The following NBPF20 variants were observed in gnomAD, a reference collection of about 807,000 sequenced individuals.
NBPF20 encodes the protein NBPF member 20, also known as NBPF family member NBPF20.
Under a neutral mutation model 68.1 loss-of-function variants are expected in NBPF20, and 90 were observed. The observed-to-expected ratio is 1.32, with a 90% CI of 1.11 to 1.58. NBPF20 has a LOEUF of 1.58. NBPF20 is among the 40% of genes most tolerant of loss of function. The pLI is 0.00. For missense variants in NBPF20, 816 were observed against 601.2 expected (o/e 1.36, Z -3.74); for synonymous variants, 290 against 228.1 (o/e 1.27, Z -2.45).
chr1:145,421,456 C>G, the NBPF20 span, among the ~76,000 whole-genome samples: 87 of 151,806 alleles, frequency 5.7e-4, no homozygotes, highest in Admixed American at 5.5e-3. Context: ...TTATTTGTTA[C>G]ATGGTGAAAA....
chr1:145,392,959 G>A, intron 10 of NBPF20, 115 bp downstream of exon 15: 3 of 347,630 alleles, frequency 8.6e-6, no homozygotes, highest in South Asian at 2.2e-5. Flanking sequence ...TGTGCCTATA[G>A]GACCTCCCTG....
At chr1:145,412,094 C>A in the NBPF20 span, among the ~76,000 whole-genome samples, 135 of 144,774 alleles carry the variant, frequency 9.3e-4, no homozygotes, top group African/African-American at 3.3e-3. Context: ...AAAAGAAATT[C>A]TTCACCACAA....
upstream of NBPF20, among the ~76,000 whole-genome samples, chr1:145,410,514 C>A (rs1662964766): frequency 6.6e-6 from 1 of 150,506 alleles, no homozygotes; most frequent in African/African-American, 2.4e-5. Flanking sequence ...GGGGTTTCAC[C>A]GTTTTAGCCG....
In NBPF20 at chr1:145,351,974, C is replaced by A; in HGVS notation, c.7465G>T (p.Gly2489Ter). 5.0e-5 allele frequency: 3 copies of A among 59,922 alleles called. No homozygotes were observed. The highest frequency in any genetic ancestry group is 3.1e-4 in the East Asian group (1 of 3,214). 3.7% of individuals were successfully genotyped at this position (59,922 alleles called of 1,614,324 possible). A position where few individuals can be genotyped will look rare whatever the true frequency, so the allele number is the denominator to read the frequency against. The change falls in exon 62 of 138, where the codon GGA becomes TGA. Residue 2489 changes from glycine (G) to a stop codon, truncating the protein, a stop_gained. Coordinates refer to ENST00000369373, the Ensembl canonical transcript of NBPF20. LOFTEE classifies it high-confidence loss of function. The stretch of plus-strand genomic sequence containing the variant: ...TCCTCCAATGCATAAAAGGAACTTC[C>A]ATAGGGCTGGCAGGAGTCAGGCTGT...
chr1:145,424,476 A>T, the NBPF20 span, among the ~76,000 whole-genome samples: 1 of 152,306 alleles, frequency 6.6e-6, no homozygotes, highest in African/African-American at 2.4e-5. Flanking sequence ...CAAAAACTAA[A>T]CACTACCAGC....
the NBPF20 span, among the ~76,000 whole-genome samples, chr1:145,411,083 A>G: frequency 6.8e-6 from 1 of 146,632 alleles, no homozygotes. Context: ...TAGGTAGTGA[A>G]TTCATTCACC....
chr1:145,422,706 T>C, the NBPF20 span, among the ~76,000 whole-genome samples: 6 of 152,324 alleles, frequency 3.9e-5, no homozygotes, highest in Admixed American at 6.5e-5. Flanking sequence ...AAGTGAATCA[T>C]AGCCGGGTGG....
intron 7 of NBPF20, among the ~76,000 whole-genome samples, chr1:145,398,347 C>T (rs1184911189): frequency 6.6e-6 from 1 of 151,718 alleles, no homozygotes; most frequent in Non-Finnish European, 1.5e-5. Flanking sequence ...CACTCGTCAG[C>T]AAATGTAAAA....
chr1:145,291,456 T>G, exon 138 of NBPF20: 1 of 1,611,914 alleles, frequency 6.2e-7, no homozygotes, highest in South Asian at 1.1e-5. Context: ...AACTGTACTT[T>G]CATTCAAATC....
At chr1:145,397,663 GA>G (rs1452680351) in intron 7 of NBPF20, among the ~76,000 whole-genome samples, 1 of 152,170 alleles carries the variant, frequency 6.6e-6, no homozygotes, top group African/African-American at 2.4e-5. Flanking sequence ...ACGCTAGGAA[GA>G]AACTGCATCA....
chr1:145,410,816 GTATATATA>G, the NBPF20 span, among the ~76,000 whole-genome samples: 9 of 117,118 alleles, frequency 7.7e-5, no homozygotes, highest in South Asian at 2.7e-4. Context: ...ATATATATAC[GTATATATA>G]TATATATATA....
At chr1:145,291,761 C>A (rs370593001) in exon 138 of NBPF20, 6 of 1,611,704 alleles carry the variant, frequency 3.7e-6, no homozygotes, top group African/African-American at 2.7e-5. Flanking sequence ...CATCAGCACG[C>A]CGTTGAGCCT....
At chr1:145,405,416 G>A (rs1396329953) in exon 1 of NBPF20, 4 of 1,571,482 alleles carry the variant, frequency 2.5e-6, no homozygotes, top group East Asian at 4.5e-5. Context: ...TTACTGTTGT[G>A]AAAAATGTGA....
intron 4 of NBPF20, among the ~76,000 whole-genome samples, chr1:145,401,673 G>A (rs1255525622): frequency 1.2e-3 from 180 of 144,226 alleles, no homozygotes; most frequent in Middle Eastern, 3.6e-3. Context: ...AACATCACAC[G>A]GCGAGGGCCT....
chr1:145,413,464 T>C, the NBPF20 span, among the ~76,000 whole-genome samples: 1 of 152,100 alleles, frequency 6.6e-6, no homozygotes, highest in African/African-American at 2.4e-5. Context: ...ATTCATTCCA[T>C]GGAACGGCTA....
intron 9 of NBPF20, among the ~76,000 whole-genome samples, chr1:145,393,492 G>A (rs1414476425): frequency 7.8e-6 from 1 of 129,030 alleles, no homozygotes; most frequent in African/African-American, 2.7e-5. Context: ...CACACACACA[G>A]AGCGAGCTCA....
intron 6 of NBPF20, among the ~76,000 whole-genome samples, chr1:145,400,124 G>C (rs1344968777): frequency 6.6e-6 from 1 of 152,156 alleles, no homozygotes; most frequent in Non-Finnish European, 1.5e-5. Context: ...GAAGCTAGTA[G>C]GCCTGACAGA....
chr1:145,413,548 C>A, the NBPF20 span, among the ~76,000 whole-genome samples: 12 of 152,074 alleles, frequency 7.9e-5, no homozygotes, highest in Admixed American at 3.3e-4. Context: ...AGGAGCCATA[C>A]GCAAAAGAGT....
chr1:145,407,342 G>A (rs1282303049), upstream of NBPF20, among the ~76,000 whole-genome samples: 3 of 141,014 alleles, frequency 2.1e-5, no homozygotes, highest in Non-Finnish European at 4.6e-5. Context: ...CGAGTTAATG[G>A]GTGCAGCAAA....
Sources: allele counts gnomAD v4.1 joint callset (sites outside exome capture counted in the v4.1 genomes callset), GRCh38; gene constraint gnomAD v4.1.1; transcripts MANE v1.5; gene names NCBI Gene and HGNC (gene_info 2026-07-23, HGNC 2026-07-21).